Variants in PCDHA7 observed in about 807,000 individuals in gnomAD.
PCDHA7 encodes the protein protocadherin alpha 7.
Under a neutral mutation model 57.2 loss-of-function variants are expected in PCDHA7, and 37 were observed. The observed-to-expected ratio is 0.65, with a 90% CI of 0.50 to 0.85. The LOEUF is 0.85. Ranked by LOEUF, PCDHA7 falls within the 40% of genes least tolerant of loss-of-function variation. The pLI, the probability that PCDHA7 is intolerant of heterozygous loss-of-function variation, is 0.00. For synonymous variants in PCDHA7, 553 were observed against 558.8 expected, an observed-to-expected ratio of 0.99 and a Z score of 0.15; for missense variants, 1,188 against 1,241.8, an observed-to-expected ratio of 0.96 and a Z score of 0.65.
chr5:140,851,315 T>C (rs2042026513), intron 1 of PCDHA7: 1 of 992,586 alleles, frequency 1.0e-6, no homozygotes, highest in African/African-American at 1.7e-5. Context: ...AATTGTTACC[T>C]TGTTAAGTTT....
In PCDHA7 at chr5:140,836,094, G is replaced by T. The variant is rs150822529; in HGVS notation, c.1711G>T (p.Gly571Cys). ...NAPALLAPRV[G>C]GTGGAVRELV... The stretch of plus-strand genomic sequence containing the variant: ...GCCGGCACTGCTGGCGCCTCGGGTG[G>T]GTGGCACTGGTGGCGCAGTGAGAGA... Residue 571 changes from glycine to cysteine, a missense_variant, in exon 1 of 4, where the codon GGT becomes TGT. This residue lies in a region of PCDHA7 where 892 missense variants were observed against 788.5 expected (regional missense o/e 1.13). Transcript: ENST00000525929. The T allele has an allele frequency of 6.2e-7, 1 of 1,613,590 alleles. No individual in the cohort carries two copies. The highest frequency in any genetic ancestry group is 8.5e-7 in the Non-Finnish European group (1 of 1,179,780).
At chr5:140,891,819 G>C (rs1282245838) in intron 1 of PCDHA7, among the ~76,000 whole-genome samples, 3 of 152,098 alleles carry the variant, frequency 2.0e-5, no homozygotes, top group African/African-American at 7.2e-5. Context: ...ATAAATTAAC[G>C]GCACTGTAAA....
chr5:140,881,581 T>C (rs782420499), intron 1 of PCDHA7, among the ~76,000 whole-genome samples: 2 of 152,222 alleles, frequency 1.3e-5, no homozygotes, highest in African/African-American at 2.4e-5. Context: ...TCAAGTCACA[T>C]TGAGGGAAAT....
At chr5:140,851,144 T>C in intron 1 of PCDHA7, 1 of 1,310,570 alleles carries the variant, frequency 7.6e-7, no homozygotes, top group Non-Finnish European at 9.9e-7. Context: ...TAAAGTGACA[T>C]TGAATTTCTG....
At chr5:140,967,321 C>T (rs985147302) in intron 1 of PCDHA7, 12 of 1,609,430 alleles carry the variant, frequency 7.5e-6, no homozygotes, top group Non-Finnish European at 1.0e-5. Context: ...TACAGACCTA[C>T]GAGCTCAGCC....
At position 140,856,153 on chromosome 5, in the gene PCDHA7, C is replaced by G. The variant is rs1554148270; in HGVS notation, c.2355+19415C>G. 8 of 1,598,310 alleles carry G rather than the reference C, an allele frequency of 5.0e-6. 1 individual carries two copies. Among genetic ancestry groups the G allele is most frequent in the Non-Finnish European group, 6.9e-6 (8 of 1,167,862 alleles). On this transcript the variant is annotated intron_variant, in intron 1 of 3. Transcript: ENST00000525929. The stretch of plus-strand genomic sequence containing the variant: ...GCGGCCAGCTCCACTACTCAGTCTA[C>G]GAGGAGGCCAGACACGGCACCTTCG...
At chr5:140,981,128 G>A (rs1340714771) in intron 2 of PCDHA7, among the ~76,000 whole-genome samples, 1 of 152,214 alleles carries the variant, frequency 6.6e-6, no homozygotes, top group Non-Finnish European at 1.5e-5. Flanking sequence ...GTTGTTTGAA[G>A]TCAAAGAGTG....
chr5:140,967,737 A>G, intron 1 of PCDHA7: 1 of 1,614,170 alleles, frequency 6.2e-7, no homozygotes, highest in Non-Finnish European at 8.5e-7. Flanking sequence ...GGGGGGCTGG[A>G]TTATGAGGAA....
intron 1 of PCDHA7, among the ~76,000 whole-genome samples, chr5:140,971,436 C>G (rs2153789972): frequency 6.6e-6 from 1 of 152,278 alleles, no homozygotes; most frequent in Non-Finnish European, 1.5e-5. Flanking sequence ...ACCCCAAGAT[C>G]TACAGCTCCA....
chr5:141,009,374 G>C (rs567366098), intron 3 of PCDHA7, among the ~76,000 whole-genome samples: 1 of 152,216 alleles, frequency 6.6e-6, no homozygotes, highest in African/African-American at 2.4e-5. Context: ...TGGGAGGATT[G>C]ATTGAGCACA....
chr5:140,926,812 G>C, intron 1 of PCDHA7: 3 of 1,459,082 alleles, frequency 2.1e-6, no homozygotes, highest in Non-Finnish European at 1.8e-6. Flanking sequence ...CCCGCGGCTC[G>C]TGCTCTCCAG....
At position 140,903,003 on chromosome 5, in the gene PCDHA7, A is replaced by C. The variant is rs115622636; in HGVS notation, c.2355+66265A>C. On this transcript the variant is annotated intron_variant, in intron 1 of 3. Transcript: ENST00000525929. ...TGGTTCCATATTTTTGCAATTGTGAATTGTGCTGCTATCAACATGGCTTGC... is the reference window on the plus strand; with the variant it reads ...TGGTTCCATATTTTTGCAATTGTGACTTGTGCTGCTATCAACATGGCTTGC... Among the ~76,000 whole-genome samples the C allele has an allele frequency of 4.6e-3, 703 of 152,302 alleles. 3 individuals are homozygous for C. The highest frequency in any genetic ancestry group is 0.016 in the African/African-American group (680 of 41,574).
At chr5:140,842,787 T>G (rs1554139371) in intron 1 of PCDHA7, 1 of 1,594,358 alleles carries the variant, frequency 6.3e-7, no homozygotes, top group African/African-American at 1.3e-5. Flanking sequence ...GAGAACGCGC[T>G]GGTGTCCTAC....
At chr5:140,851,304 C>A in intron 1 of PCDHA7, 2 of 1,006,386 alleles carry the variant, frequency 2.0e-6, no homozygotes, top group Non-Finnish European at 2.4e-6. Flanking sequence ...AAATATATAG[C>A]AATTGTTACC....
At position 141,011,088 on chromosome 5, in the gene PCDHA7, TTCTC is replaced by T. The variant is rs375099849; in HGVS notation, c.*1165_*1168del. Reference sequence around the variant, plus strand: ...TATTACTAAATAAAATGATCTCTCTTTCTCTCTCTCTCTCTCTTTTCTAAGAAAC... The same window carrying T: ...TATTACTAAATAAAATGATCTCTCTTTCTCTCTCTCTCTTTTCTAAGAAAC... On this transcript the variant is annotated 3_prime_UTR_variant, in exon 4 of 4. Coordinates refer to ENST00000525929, the MANE Select transcript of PCDHA7 (RefSeq NM_018910.3). 16 of 152,024 alleles carry T rather than the reference TTCTC, an allele frequency of 1.1e-4. No individual in the cohort carries two copies. Among genetic ancestry groups the T allele is most frequent in the African/African-American group, 2.2e-4 (9 of 41,160 alleles). 9.4% of individuals were successfully genotyped at this position (152,024 alleles called of 1,614,324 possible).
chr5:140,843,272 G>T, intron 1 of PCDHA7: 1 of 1,596,120 alleles, frequency 6.3e-7, no homozygotes, highest in Non-Finnish European at 8.6e-7. Context: ...GCTGGTCCTG[G>T]TGAAGGATCA....
At chr5:140,843,662 G>T in intron 1 of PCDHA7, 1 of 1,593,858 alleles carries the variant, frequency 6.3e-7, no homozygotes, top group South Asian at 1.1e-5. Flanking sequence ...TCCTGATCTG[G>T]GATCAGTTGA....
intron 1 of PCDHA7, chr5:140,866,231 A>G (rs1467927263): frequency 1.3e-5 from 2 of 152,172 alleles, no homozygotes; most frequent in Non-Finnish European, 2.9e-5. Context: ...ACTAAATACT[A>G]TATACCAAAA....
intron 1 of PCDHA7, chr5:140,843,852 T>C: frequency 2.1e-6 from 2 of 964,906 alleles, no homozygotes; most frequent in Non-Finnish European, 3.1e-6. Flanking sequence ...AAACCTTTTA[T>C]AATTAATTGA....
Sources: gnomAD v4.1 joint callset for allele counts (sites outside exome capture counted in the v4.1 genomes callset) on GRCh38, gnomAD v4.1.1 for gene constraint, gnomAD v4.1.1 regional missense constraint, MANE v1.5 for transcripts, NCBI Gene and HGNC (gene_info 2026-07-23, HGNC 2026-07-21) for gene names.